The following TOP2B variants were observed in gnomAD, a reference collection of about 807,000 sequenced individuals.
TOP2B encodes the protein DNA topoisomerase 2-beta.
TOP2B carries 51 observed loss-of-function variants against 193.5 expected under a neutral mutation model. The ratio of observed to expected loss-of-function variants is 0.26; its 90% CI spans 0.21 to 0.33. The LOEUF (loss-of-function observed/expected upper bound fraction) is 0.33. TOP2B is among the 10% of genes least tolerant of loss of function. The pLI is 1.00. For synonymous variants in TOP2B, 634 were observed against 635.7 expected (o/e 1.00, Z 0.04); for missense variants, 1,378 against 1,909.3 (o/e 0.72, Z 5.19).
At chr3:25,635,295 A>T in intron 7 of TOP2B, among the ~76,000 whole-genome samples, 1 of 152,172 alleles carries the variant, frequency 6.6e-6, no homozygotes, top group East Asian at 1.9e-4. Context: ...CTCGATATCT[A>T]CAAAACAAAT....
intron 4 of TOP2B, among the ~76,000 whole-genome samples, chr3:25,641,570 T>C (rs557242848): frequency 3.9e-4 from 60 of 152,218 alleles, no homozygotes; most frequent in African/African-American, 1.4e-3. Flanking sequence ...CACAGTTATA[T>C]GGTAACATTT....
Position 25,599,418 on chromosome 3 carries a change from A to G in TOP2B, c.4710+17T>C. 6 of 1,611,010 alleles carry G rather than the reference A, an allele frequency of 3.7e-6. No homozygotes were observed. Among genetic ancestry groups the G allele is most frequent in the Non-Finnish European group, 5.1e-6 (6 of 1,178,306 alleles). ...TTAAAAAGCCATGCACTAATATGCA[A>G]TGATGTTCCCGGTTACCTTGCTTGT... On this transcript the variant is annotated intron_variant, in intron 35 of 35. Transcript: ENST00000264331.
chr3:25,634,081 T>G (rs1243461969), intron 7 of TOP2B, 67 bp from the exon 8 acceptor site: 28 of 1,176,058 alleles, frequency 2.4e-5, no homozygotes, highest in Non-Finnish European at 2.3e-5. Flanking sequence ...TGAATCACCT[T>G]CAGTACGTAT....
At chr3:25,599,266 A>G (rs1702022291) in intron 35 of TOP2B, among the ~76,000 whole-genome samples, 169 bp downstream of exon 35, 3 of 152,162 alleles carry the variant, frequency 2.0e-5, no homozygotes, top group Admixed American at 2.0e-4. Context: ...AATAGTCCTG[A>G]TTATATAAAT....
intron 15 of TOP2B, among the ~76,000 whole-genome samples, chr3:25,627,678 T>C (rs1028641293): frequency 2.6e-5 from 4 of 152,106 alleles, no homozygotes; most frequent in Non-Finnish European, 4.4e-5. Flanking sequence ...ACAAATAAAT[T>C]ACAAGGAAAA....
At chr3:25,650,945 G>C (rs1210864209) in intron 1 of TOP2B, among the ~76,000 whole-genome samples, 2 of 152,030 alleles carry the variant, frequency 1.3e-5, no homozygotes, top group Non-Finnish European at 2.9e-5. Flanking sequence ...ATATTGCTCT[G>C]ACAGGGGCTC....
At chr3:25,628,479 A>G (rs1229876462) in intron 15 of TOP2B, among the ~76,000 whole-genome samples, 1 of 152,192 alleles carries the variant, frequency 6.6e-6, no homozygotes, top group East Asian at 1.9e-4. Flanking sequence ...CTGTCTCAAC[A>G]ATAGGATATT....
At chr3:25,613,017 G>A (rs572202349) in intron 27 of TOP2B, among the ~76,000 whole-genome samples, 1 of 152,074 alleles carries the variant, frequency 6.6e-6, no homozygotes. Flanking sequence ...CAAGACCTCT[G>A]ATAACCTAGT....
intron 33 of TOP2B, among the ~76,000 whole-genome samples, chr3:25,603,582 T>C (rs1434634955): frequency 6.6e-6 from 1 of 152,094 alleles, no homozygotes; most frequent in African/African-American, 2.4e-5. Context: ...AGGGTCCATC[T>C]CAATGTGGGT....
intron 30 of TOP2B, among the ~76,000 whole-genome samples, chr3:25,608,656 A>C (rs1486184578): frequency 2.6e-5 from 4 of 152,212 alleles, no homozygotes; most frequent in Non-Finnish European, 5.9e-5. Context: ...ACTAGATGTT[A>C]ATAACTTCAA....
intron 7 of TOP2B, 113 bp from the exon 8 acceptor site, chr3:25,634,127 G>T (rs977865803): frequency 2.6e-6 from 2 of 770,694 alleles, no homozygotes; most frequent in Middle Eastern, 3.8e-4. Flanking sequence ...AGTTCTAAGT[G>T]CACCGATCCA....
At position 25,638,270 on chromosome 3, in the gene TOP2B, T is replaced by C. The variant is rs1252899660; in HGVS notation, c.436A>G (p.Ile146Val). The C allele has an allele frequency of 1.4e-6, 2 of 1,425,956 alleles. No individual in the cohort carries two copies. Among genetic ancestry groups the C allele is most frequent in the Middle Eastern group, 1.9e-4 (1 of 5,266 alleles). The allele number at this position is 1,425,956 out of a possible 1,614,324, so 88.3% of individuals were successfully genotyped here. A position where few individuals can be genotyped will look rare whatever the true frequency, so the allele number is the denominator to read the frequency against. ...TCTACCTTGTGTTCTACTACTGGAA[T>C]GCCTTTCCCATTATTCCAAATGCTT... is the stretch of plus-strand genomic sequence containing the variant. Reference protein sequence around the residue: ...IISIWNNGKGIPVVEHKVEKV... With the variant: ...IISIWNNGKGVPVVEHKVEKV... Residue 146 changes from isoleucine (I) to valine (V), a missense_variant, in exon 5 of 36, where the codon ATT becomes GTT. Transcript: ENST00000264331.
intron 13 of TOP2B, among the ~76,000 whole-genome samples, chr3:25,629,714 G>T (rs1471231977): frequency 6.6e-6 from 1 of 152,014 alleles, no homozygotes. Flanking sequence ...TCCAAATCAT[G>T]CCATCATGTA....
At chr3:25,658,242 T>C (rs1349205232) in intron 1 of TOP2B, among the ~76,000 whole-genome samples, 2 of 150,834 alleles carry the variant, frequency 1.3e-5, no homozygotes, top group Non-Finnish European at 3.0e-5. Context: ...AAAAAATATA[T>C]AATAATAATT....
In TOP2B at chr3:25,612,661, T is replaced by C. The variant is rs1702405647; in HGVS notation, c.3640A>G (p.Lys1214Glu). The C allele has an allele frequency of 1.2e-6, 2 of 1,613,682 alleles. No individual in the cohort carries two copies. The highest frequency in any genetic ancestry group is 1.7e-6 in the Non-Finnish European group (2 of 1,179,700). The change falls in exon 28 of 36, where the codon AAA becomes GAA. Residue 1214 changes from lysine (K) to glutamate (E), a missense_variant. This residue lies in a region of TOP2B where 556 missense variants were observed against 584.2 expected (regional missense o/e 0.95). Coordinates refer to ENST00000264331, the MANE Select transcript of TOP2B (RefSeq NM_001330700.2). ...REDVLAGMSG[K>E]AIKGKVGKPK... The stretch of plus-strand genomic sequence containing the variant: ...TTGCCAACTTTACCTTTAATTGCTT[T>C]TCCAGACATTCCAGCCAGAACATCT...
chr3:25,643,113 T>C (rs1429897127), intron 3 of TOP2B, among the ~76,000 whole-genome samples: 2 of 152,138 alleles, frequency 1.3e-5, no homozygotes, highest in African/African-American at 4.8e-5. Context: ...CTAAGAAACC[T>C]CAAGTTGCAC....
At chr3:25,643,018 A>C (rs1703308353) in intron 3 of TOP2B, among the ~76,000 whole-genome samples, 1 of 152,216 alleles carries the variant, frequency 6.6e-6, no homozygotes, top group Non-Finnish European at 1.5e-5. Context: ...AGGCAAGAGT[A>C]AAGGTATAAA....
chr3:25,664,118 G>T, intron 1 of TOP2B, 111 bp downstream of exon 1: 1 of 1,486,688 alleles, frequency 6.7e-7, no homozygotes, highest in African/African-American at 1.4e-5. Context: ...TGGAGCGCCC[G>T]TTCGGGGGAC....
chr3:25,623,490 T>A, intron 21 of TOP2B, 25 bp downstream of exon 21: 1 of 1,581,196 alleles, frequency 6.3e-7, no homozygotes, highest in African/African-American at 1.3e-5. Context: ...ATTTGTTAAA[T>A]AAATAATAAG....
Sources: gnomAD v4.1 joint callset for allele counts (sites outside exome capture counted in the v4.1 genomes callset) on GRCh38, gnomAD v4.1.1 for gene constraint, gnomAD v4.1.1 regional missense constraint, MANE v1.5 for transcripts, NCBI Gene and HGNC (gene_info 2026-07-23, HGNC 2026-07-21) for gene names.